The following SORCS1 variants were observed in gnomAD, a reference collection of about 807,000 sequenced individuals.
SORCS1 encodes the protein VPS10 domain-containing receptor SorCS1.
A neutral mutation model predicts 146.1 loss-of-function variants in SORCS1; 60 were observed. The observed-to-expected ratio is 0.41, with a 90% CI of 0.33 to 0.51. The LOEUF (loss-of-function observed/expected upper bound fraction) is 0.51. Among genes scored for constraint, SORCS1 ranks in the 20% least tolerant of loss-of-function variants. The pLI is 0.21. For missense variants in SORCS1, 1,352 were observed against 1,487.6 expected (o/e 0.91, Z 1.50); for synonymous variants, 637 against 584.0 (o/e 1.09, Z -1.31).
intron 1 of SORCS1, among the ~76,000 whole-genome samples, chr10:106,974,516 G>T (rs139564961): frequency 6.6e-6 from 1 of 152,094 alleles, no homozygotes; most frequent in African/African-American, 2.4e-5. Context: ...CTGAGAGAAG[G>T]GTGGCAGGAG....
intron 1 of SORCS1, among the ~76,000 whole-genome samples, chr10:107,123,049 T>A (rs1266724703): frequency 7.8e-5 from 7 of 90,104 alleles, no homozygotes; most frequent in South Asian, 6.3e-4. Flanking sequence ...TTAAAACATC[T>A]AAAAATCATG....
chr10:106,662,541 T>C (rs1301714467), intron 17 of SORCS1, among the ~76,000 whole-genome samples: 1 of 152,158 alleles, frequency 6.6e-6, no homozygotes, highest in Non-Finnish European at 1.5e-5. Context: ...TTGCGATTCC[T>C]TTGCACTTCA....
intron 18 of SORCS1, among the ~76,000 whole-genome samples, chr10:106,649,747 GT>G: frequency 1.3e-5 from 2 of 152,174 alleles, no homozygotes; most frequent in East Asian, 3.9e-4. Context: ...TTGCATCTGT[GT>G]TAGACCTTTT....
At chr10:106,734,433 G>GA (rs1395537714) in intron 5 of SORCS1, among the ~76,000 whole-genome samples, 1 of 152,126 alleles carries the variant, frequency 6.6e-6, no homozygotes, top group Non-Finnish European at 1.5e-5. Flanking sequence ...CTTTTGCACA[G>GA]AAAAAATTAG....
chr10:106,639,519 C>T (rs888407333), intron 18 of SORCS1, among the ~76,000 whole-genome samples: 2 of 152,112 alleles, frequency 1.3e-5, no homozygotes, highest in African/African-American at 4.8e-5. Flanking sequence ...GAGTTGCTAA[C>T]CAATCCAACT....
At chr10:107,123,391 C>A (rs1966515758) in intron 1 of SORCS1, among the ~76,000 whole-genome samples, 1 of 152,138 alleles carries the variant, frequency 6.6e-6, no homozygotes, top group Non-Finnish European at 1.5e-5. Flanking sequence ...AATGTTAATT[C>A]TTGAAAGTAA....
chr10:106,929,496 C>T (rs1222528329), intron 2 of SORCS1, among the ~76,000 whole-genome samples: 1 of 152,074 alleles, frequency 6.6e-6, no homozygotes, highest in South Asian at 2.1e-4. Flanking sequence ...AAAAGAAAAG[C>T]CCTGTCTCTT....
intron 1 of SORCS1, among the ~76,000 whole-genome samples, chr10:107,040,934 T>A (rs1959127712): frequency 6.6e-6 from 1 of 152,200 alleles, no homozygotes; most frequent in Admixed American, 6.5e-5. Flanking sequence ...CCAAAGAGCA[T>A]GTAAAACGCT....
intron 1 of SORCS1, among the ~76,000 whole-genome samples, chr10:107,158,726 C>T (rs1969487784): frequency 6.6e-6 from 1 of 152,090 alleles, no homozygotes; most frequent in South Asian, 2.1e-4. Flanking sequence ...ATTAGGAGCT[C>T]AATAAATATT....
intron 1 of SORCS1, among the ~76,000 whole-genome samples, chr10:107,075,372 G>A (rs1177976320): frequency 2.6e-5 from 4 of 152,046 alleles, no homozygotes; most frequent in Admixed American, 2.0e-4. Flanking sequence ...TGAAAACAAA[G>A]GTCTTCTATG....
At chr10:106,769,484 CA>C (rs61628916) in intron 4 of SORCS1, among the ~76,000 whole-genome samples, 26,970 of 83,914 alleles carry the variant, frequency 0.32, 1,675 homozygotes, top group Non-Finnish European at 0.37. Flanking sequence ...GACTCCGTCT[CA>C]AAAAAAAAAA....
At chr10:106,695,769 C>T (rs1853653266) in intron 9 of SORCS1, among the ~76,000 whole-genome samples, 1 of 152,164 alleles carries the variant, frequency 6.6e-6, no homozygotes, top group Non-Finnish European at 1.5e-5. Flanking sequence ...TTTCCTGGCT[C>T]TCATTTCTTG....
rs753062590 is a variant in SORCS1, at chr10:106,956,521, C to T, written c.618G>A (p.Ser206=). The change falls in exon 2 of 26, where the codon TCG becomes TCA. Residue 206 remains serine, a synonymous_variant. Transcript: ENST00000263054. The part of the protein sequence containing the change: ...DYNLGSITES[S]LWRSTDYGTT... Reference sequence around the variant, plus strand: ...TCCATTTATCTACATACCTCCAAAGCGAGCTCTCTGTGATGCTCCCCAGGT... The same window carrying T: ...TCCATTTATCTACATACCTCCAAAGTGAGCTCTCTGTGATGCTCCCCAGGT... 3.7e-6 allele frequency: 6 copies of T among 1,613,992 alleles called. No individual in the cohort carries two copies. Among genetic ancestry groups the T allele is most frequent in the East Asian group, 2.2e-5 (1 of 44,878 alleles).
chr10:106,665,204 AC>A lies in SORCS1; in HGVS notation c.2303+2484del, dbSNP rs201527945. ...TGATAATCTTTTATAAAAATTAAAC[AC>A]ATTTAAAATTTCAAATACAGAGTAC... On this transcript the variant is annotated intron_variant, in intron 17 of 25. Coordinates refer to ENST00000263054, the MANE Select transcript of SORCS1 (RefSeq NM_052918.5). Among the ~76,000 whole-genome samples, 1,098 of 152,276 alleles carry A rather than the reference AC, an allele frequency of 7.2e-3. 3 individuals carry two copies. The highest frequency in any genetic ancestry group is 0.011 in the Non-Finnish European group (748 of 68,020).
At chr10:107,038,033 G>A (rs1157923596) in intron 1 of SORCS1, among the ~76,000 whole-genome samples, 2 of 152,068 alleles carry the variant, frequency 1.3e-5, no homozygotes, top group African/African-American at 4.8e-5. Context: ...CACCATGTTA[G>A]GCTGGTCTCA....
At chr10:106,775,019 G>A (rs1050588332) in intron 4 of SORCS1, among the ~76,000 whole-genome samples, 1 of 152,152 alleles carries the variant, frequency 6.6e-6, no homozygotes, top group South Asian at 2.1e-4. Flanking sequence ...CATCCTAACT[G>A]GTCTTGTATC....
rs535586116 is a variant in SORCS1 at position 107,154,527 on chromosome 10, A to G, written c.558+9442T>C. ...AGGTTGTTCACAACACATGAAAAAA[A>G]AACACTTTCCCAAGGAAATAGCAAA... On this transcript the variant is annotated intron_variant, in intron 1 of 25. Coordinates refer to ENST00000263054, the MANE Select transcript of SORCS1 (RefSeq NM_052918.5). 7.2e-5 allele frequency among the ~76,000 whole-genome samples: 11 copies of G among 152,358 alleles called. No individual in the cohort carries two copies. The South Asian group carries it at 1.9e-3, about 26-fold the overall frequency.
chr10:106,814,454 G>A (rs773903710), intron 3 of SORCS1, among the ~76,000 whole-genome samples: 5 of 152,120 alleles, frequency 3.3e-5, no homozygotes, highest in Non-Finnish European at 7.4e-5. Context: ...TGCAAAGATC[G>A]GGGTTCTAGT....
In SORCS1 at chr10:106,675,069, T is replaced by A. The variant is rs1404798097; in HGVS notation, c.1920A>T (p.Gly640=). The part of the protein sequence containing the change: ...LFVDGVLGEP[G]EETLIMTVFG... Reference sequence around the variant, plus strand: ...CTTACGTCATGATGAGAGTCTCTTCTCCAGGCTCACCCAGAACCCCATCCA... The same window carrying A: ...CTTACGTCATGATGAGAGTCTCTTCACCAGGCTCACCCAGAACCCCATCCA... The change falls in exon 14 of 26, where the codon GGA becomes GGT. Residue 640 remains glycine, a synonymous_variant. Transcript: ENST00000263054. The A allele has an allele frequency of 6.2e-7, 1 of 1,613,800 alleles. No homozygotes were observed. Among genetic ancestry groups the A allele is most frequent in the South Asian group, 1.1e-5 (1 of 91,054 alleles).
Sources: allele counts gnomAD v4.1 joint callset (sites outside exome capture counted in the v4.1 genomes callset), GRCh38; gene constraint gnomAD v4.1.1; transcripts MANE v1.5; gene names NCBI Gene and HGNC (gene_info 2026-07-23, HGNC 2026-07-21).